MYO16: variants seen among roughly 807,000 people sequenced by gnomAD.
MYO16 encodes the protein unconventional myosin-XVI.
Under a neutral mutation model 205.3 loss-of-function variants are expected in MYO16, and 94 were observed. That is an observed-to-expected ratio of 0.46 (90% CI 0.39 to 0.54). The LOEUF (loss-of-function observed/expected upper bound fraction) is 0.54. Ranked by LOEUF, MYO16 falls within the 20% of genes least tolerant of loss-of-function variation. MYO16 has a pLI of 0.00. For missense variants in MYO16, 2,315 were observed against 2,387.5 expected (o/e 0.97, Z 0.63); for synonymous variants, 988 against 954.0 (o/e 1.04, Z -0.66).
the MYO16 span, among the ~76,000 whole-genome samples, chr13:108,540,725 C>A: frequency 6.6e-6 from 1 of 152,064 alleles, no homozygotes; most frequent in Non-Finnish European, 1.5e-5. Context: ...TTCACCATAA[C>A]ATGAGTGCTG....
intron 4 of MYO16, among the ~76,000 whole-genome samples, chr13:108,758,794 G>A (rs78916474): frequency 0.012 from 1,810 of 152,230 alleles, 12 homozygotes; most frequent in Non-Finnish European, 0.017. Context: ...AGCCATATTC[G>A]AAAAGCATGT....
At chr13:108,510,402 C>T in the MYO16 span, among the ~76,000 whole-genome samples, 1 of 148,330 alleles carries the variant, frequency 6.7e-6, no homozygotes, top group Non-Finnish European at 1.5e-5. Context: ...CAGGCGTGAG[C>T]CACCATGCCC....
chr13:108,740,723 G>T (rs900205534), intron 4 of MYO16, among the ~76,000 whole-genome samples: 1 of 152,126 alleles, frequency 6.6e-6, no homozygotes, highest in Non-Finnish European at 1.5e-5. Context: ...GCTATGTCCT[G>T]CCCCCAGAGG....
intron 27 of MYO16, among the ~76,000 whole-genome samples, chr13:109,098,539 G>A (rs1400521156): frequency 2.6e-5 from 4 of 152,124 alleles, no homozygotes; most frequent in African/African-American, 9.7e-5. Context: ...CGTGTTGTTG[G>A]GCGTTGTCAT....
chr13:109,141,019 G>C lies in MYO16; in HGVS notation c.4807G>C (p.Gly1603Arg), dbSNP rs1594120028. The change falls in exon 32 of 35, where the codon GGG becomes CGG. Residue 1603 changes from glycine (G) to arginine (R), a missense_variant. Around this residue, in one of 3 missense-constraint regions of MYO16, gnomAD observed 1,097 missense variants for 1,092.0 expected, o/e 1.00. Coordinates refer to ENST00000457511, the MANE Select transcript of MYO16 (RefSeq NM_001198950.3). The surrounding 1 kb of genome is among the most constrained non-coding windows in gnomAD (Gnocchi z 4.1). The stretch of plus-strand genomic sequence containing the variant: ...GCCGCCCCCGCCCCCGCCCCCGCCC[G>C]GGCCGCCCCCCGCGCCCTACAGGCC... Reference protein sequence around the residue: ...STPPPPPPPPGPPPAPYRPCA... With the variant: ...STPPPPPPPPRPPPAPYRPCA... The C allele has an allele frequency of 3.1e-6, 4 of 1,299,686 alleles. No individual in the cohort carries two copies. Among genetic ancestry groups the C allele is most frequent in the Non-Finnish European group, 2.9e-6 (3 of 1,027,900 alleles). 80.5% of individuals were successfully genotyped at this position (1,299,686 alleles called of 1,614,324 possible). A position where few individuals can be genotyped will look rare whatever the true frequency, so the allele number is the denominator to read the frequency against.
chr13:108,518,194 T>G, the MYO16 span, among the ~76,000 whole-genome samples: 3 of 152,164 alleles, frequency 2.0e-5, no homozygotes, highest in South Asian at 6.2e-4. Flanking sequence ...TATAGTAGCT[T>G]TCACATAGAA....
the MYO16 span, among the ~76,000 whole-genome samples, chr13:108,588,270 G>A: frequency 6.6e-6 from 1 of 152,152 alleles, no homozygotes; most frequent in African/African-American, 2.4e-5. Flanking sequence ...CGCTGCCTAT[G>A]TGGGAAAGGG....
intron 14 of MYO16, among the ~76,000 whole-genome samples, chr13:108,897,112 G>C (rs1347621006): frequency 6.6e-6 from 1 of 152,118 alleles, no homozygotes; most frequent in Non-Finnish European, 1.5e-5. Flanking sequence ...AGGAAAACTA[G>C]TCCGTGTATC....
At chr13:108,559,620 C>T in the MYO16 span, among the ~76,000 whole-genome samples, 1 of 151,426 alleles carries the variant, frequency 6.6e-6, no homozygotes, top group Admixed American at 6.6e-5. Flanking sequence ...ACTACAGGCA[C>T]CCGCCACCAC....
intron 1 of MYO16, among the ~76,000 whole-genome samples, chr13:108,633,733 C>A (rs17386586): frequency 0.18 from 26,976 of 152,168 alleles, 2,873 homozygotes; most frequent in Non-Finnish European, 0.24. Flanking sequence ...AGGTTAAAAC[C>A]CATTTTTTTC....
chr13:109,147,248 A>G (rs770942362), intron 32 of MYO16, among the ~76,000 whole-genome samples: 1 of 152,200 alleles, frequency 6.6e-6, no homozygotes, highest in Admixed American at 6.5e-5. Flanking sequence ...AAGACACGCA[A>G]TTGCATCCTA....
chr13:108,942,446 CAGAG>C (rs931466737), intron 16 of MYO16, among the ~76,000 whole-genome samples: 1 of 151,896 alleles, frequency 6.6e-6, no homozygotes, highest in Non-Finnish European at 1.5e-5. Context: ...GGAATGCACA[CAGAG>C]AGTTTCTGAT....
chr13:108,929,846 G>A (rs1383326696), intron 16 of MYO16, among the ~76,000 whole-genome samples: 1 of 152,032 alleles, frequency 6.6e-6, no homozygotes, highest in African/African-American at 2.4e-5. Flanking sequence ...GAACATGCAA[G>A]TAAAGGGAAA....
At chr13:109,137,802 A>T (rs1358666345) in intron 31 of MYO16, among the ~76,000 whole-genome samples, 1 of 152,172 alleles carries the variant, frequency 6.6e-6, no homozygotes, top group East Asian at 1.9e-4. Context: ...TGTGCATGAA[A>T]ACCCTAAGGC....
intron 16 of MYO16, among the ~76,000 whole-genome samples, chr13:108,919,820 G>A (rs561440448): frequency 2.2e-4 from 34 of 152,220 alleles, no homozygotes; most frequent in Admixed American, 3.9e-4. Flanking sequence ...AAACATTCAC[G>A]TATGACTCAT....
chr13:109,074,595 G>A (rs1579520), intron 27 of MYO16, among the ~76,000 whole-genome samples: 73,042 of 151,602 alleles, frequency 0.48, 17,806 homozygotes, highest in Middle Eastern at 0.54. Flanking sequence ...CTTAGATCTC[G>A]TGAGAACTCA....
At chr13:108,754,807 C>T (rs1393971186) in intron 4 of MYO16, among the ~76,000 whole-genome samples, 1 of 152,128 alleles carries the variant, frequency 6.6e-6, no homozygotes, top group African/African-American at 2.4e-5. Flanking sequence ...CTATCCCTTT[C>T]CTCAAGAAGC....
At chr13:109,116,413 C>T (rs566093830) in intron 28 of MYO16, among the ~76,000 whole-genome samples, 38 of 152,098 alleles carry the variant, frequency 2.5e-4, no homozygotes, top group Admixed American at 6.5e-4. Context: ...GTCTGCCTTC[C>T]TCTCATTTGT....
intron 16 of MYO16, among the ~76,000 whole-genome samples, chr13:108,935,051 A>G (rs764247489): frequency 6.6e-5 from 10 of 152,142 alleles, no homozygotes; most frequent in Non-Finnish European, 8.8e-5. Context: ...GAACTTGGGT[A>G]ATGTGATGCT....
Sources: gnomAD v4.1 joint callset for allele counts (sites outside exome capture counted in the v4.1 genomes callset) on GRCh38, gnomAD v4.1.1 for gene constraint, gnomAD v4.1.1 regional missense constraint, Gnocchi (gnomAD v3.1) non-coding constraint, MANE v1.5 for transcripts, NCBI Gene and HGNC (gene_info 2026-07-23, HGNC 2026-07-21) for gene names.